Variants in CDC20B observed in about 807,000 individuals in gnomAD.
The protein encoded by CDC20B is cell division cycle 20B.
Under a neutral mutation model 64.1 loss-of-function variants are expected in CDC20B, and 58 were observed. That is an observed-to-expected ratio of 0.90 (90% CI 0.73 to 1.13). The LOEUF is 1.13. CDC20B is among the 50% of genes most tolerant of loss of function. The probability of loss-of-function intolerance (pLI) is 0.00; values close to 1 mark genes in which losing one functional copy is unlikely to be tolerated. For missense variants in CDC20B, 597 were observed against 633.0 expected, an observed-to-expected ratio of 0.94 and a Z score of 0.61; for synonymous variants, 243 against 230.6, an observed-to-expected ratio of 1.05 and a Z score of -0.49.
At chr5:55,172,270 A>C (rs370192875) in intron 2 of CDC20B, 14 of 253,514 alleles carry the variant, frequency 5.5e-5, no homozygotes, top group African/African-American at 3.0e-4. Context: ...GTGCTTCTGA[A>C]TGCAACAGAG....
intron 2 of CDC20B, among the ~76,000 whole-genome samples, chr5:55,167,341 T>TTATA (rs987103159): frequency 6.6e-6 from 1 of 152,214 alleles, no homozygotes; most frequent in South Asian, 2.1e-4. Context: ...TGTTTAACAA[T>TTATA]TACACTGTAT....
chr5:55,127,481 G>C, intron 7 of CDC20B, 130 bp from the exon 8 acceptor site: 1 of 692,910 alleles, frequency 1.4e-6, no homozygotes, highest in Non-Finnish European at 2.5e-6. Flanking sequence ...AGCACATCTA[G>C]CCAGCAGTTC....
At position 55,120,465 on chromosome 5, in the gene CDC20B, T is replaced by A. The variant is rs1742729655; in HGVS notation, c.1301A>T (p.Asn434Ile). Reference protein sequence around the residue: ...KDGRLHILDINAGKSIQTPST... With the variant: ...KDGRLHILDIIAGKSIQTPST... ...TGGGGTCTGGATGCTCTTCCCAGCATTTATATCCAAGATGTGTAAGCGTCC... is the reference window on the plus strand; with the variant it reads ...TGGGGTCTGGATGCTCTTCCCAGCAATTATATCCAAGATGTGTAAGCGTCC... Residue 434 changes from asparagine (N) to isoleucine (I), a missense_variant, in exon 10 of 12, where the codon AAT becomes ATT. By Grantham distance (149) the Asn-to-Ile change is moderately radical (BLOSUM62 -3). This residue lies in a region of CDC20B where 353 missense variants were observed against 397.0 expected (regional missense o/e 0.89). Coordinates refer to ENST00000381375, the MANE Select transcript of CDC20B (RefSeq NM_001170402.1). The A allele has an allele frequency of 2.5e-6, 4 of 1,613,814 alleles. No homozygotes were observed. In the South Asian group the frequency reaches 4.4e-5, roughly 18 times the overall value.
chr5:55,172,749 C>CTTTTTT, intron 1 of CDC20B, 99 bp from the exon 2 acceptor site: 29 of 534,652 alleles, frequency 5.4e-5, no homozygotes, highest in South Asian at 3.4e-4. Context: ...TCAGATTACA[C>CTTTTTT]TTTTTTTTTT....
chr5:55,137,369 G>C, intron 5 of CDC20B: 1 of 345,634 alleles, frequency 2.9e-6, no homozygotes, highest in Non-Finnish European at 5.7e-6. Context: ...AAGTTTACAG[G>C]GGCTGCCTGC....
intron 7 of CDC20B, 133 bp downstream of exon 7, chr5:55,128,288 C>T: frequency 1.9e-6 from 1 of 531,138 alleles, no homozygotes; most frequent in South Asian, 3.7e-5. Context: ...AGCGGAATGT[C>T]ATCTCCTTTT....
chr5:55,142,226 C>T (rs1006015572), intron 4 of CDC20B, among the ~76,000 whole-genome samples: 7 of 152,270 alleles, frequency 4.6e-5, no homozygotes, highest in Admixed American at 4.6e-4. Flanking sequence ...GTTGTGGAAA[C>T]ACCCTCCAGA....
rs189610080 is a variant in CDC20B, at chr5:55,167,880, A to T, written c.126+4708T>A. On this transcript the variant is annotated intron_variant, in intron 2 of 11. Transcript: ENST00000381375. ...CCCCATCTCTACAAAAAAAATTTTT[A>T]AATTAGCCAGGTGCGGTAGCACACA... Among the ~76,000 whole-genome samples, 430 of 152,210 alleles carry T rather than the reference A, an allele frequency of 2.8e-3. 2 individuals are homozygous for T. The highest frequency in any genetic ancestry group is 9.2e-3 in the African/African-American group (383 of 41,536).
rs370856727 is a variant in CDC20B, at chr5:55,127,259, G to A, written c.987C>T (p.Ser329=). The stretch of plus-strand genomic sequence containing the variant: ...GTCTCCAACAAGACGCTTCTTACCT[G>A]CTGAGGATAAAGTGATTCCAGCTCA... ...GALSWNHFIL[S]SGSRLGRVYH... is the part of the protein sequence containing the mutation. Residue 329 remains serine, a splice_region_variant and synonymous_variant, in exon 8 of 12, where the codon AGC becomes AGT. Transcript: ENST00000381375. 5 of 1,612,948 alleles carry A rather than the reference G, an allele frequency of 3.1e-6. No individual in the cohort carries two copies. In the African/African-American group the frequency reaches 5.3e-5, roughly 17 times the overall value.
At chr5:55,170,275 A>G (rs1744554384) in intron 2 of CDC20B, among the ~76,000 whole-genome samples, 2 of 152,320 alleles carry the variant, frequency 1.3e-5, no homozygotes, top group Middle Eastern at 3.4e-3. Context: ...TCTACTCCGA[A>G]AGACTCCAAA....
chr5:55,124,708 T>A, intron 9 of CDC20B, 95 bp downstream of exon 9: 1 of 1,075,128 alleles, frequency 9.3e-7, no homozygotes, highest in Non-Finnish European at 1.3e-6. Context: ...AAGAAAAATC[T>A]CAAAATATTG....
chr5:55,170,812 T>C, intron 2 of CDC20B: 1 of 440,234 alleles, frequency 2.3e-6, no homozygotes, highest in East Asian at 6.7e-5. Context: ...GGCAGAACTC[T>C]AATCTTAATA....
In CDC20B at chr5:55,144,604, G is replaced by A. The variant is rs188837526; in HGVS notation, c.356-961C>T. On this transcript the variant is annotated intron_variant, in intron 3 of 11. Transcript: ENST00000381375. ...AAGAAGGATAAAAATATGAAATGCTGGTCAAAGTTTTAGATCTTGCTCTTT... is the reference window on the plus strand; with the variant it reads ...AAGAAGGATAAAAATATGAAATGCTAGTCAAAGTTTTAGATCTTGCTCTTT... Among the ~76,000 whole-genome samples the A allele has an allele frequency of 3.9e-3, 591 of 152,298 alleles. 4 individuals carry two copies. Among genetic ancestry groups the A allele is most frequent in the African/African-American group, 0.014 (567 of 41,568 alleles).
intron 6 of CDC20B, among the ~76,000 whole-genome samples, 183 bp downstream of exon 6, chr5:55,133,229 A>G (rs538753723): frequency 6.6e-6 from 1 of 152,240 alleles, no homozygotes; most frequent in African/African-American, 2.4e-5. Flanking sequence ...CATTAACAAT[A>G]CCATCCCTAA....
intron 1 of CDC20B, 24 bp from the exon 2 acceptor site, chr5:55,172,674 T>A (rs747570303): frequency 1.3e-6 from 2 of 1,548,010 alleles, no homozygotes; most frequent in Non-Finnish European, 1.8e-6. Flanking sequence ...GATAACATAT[T>A]GAGGGAGAAA....
intron 3 of CDC20B, among the ~76,000 whole-genome samples, chr5:55,145,233 T>C (rs1376636670): frequency 6.6e-6 from 1 of 152,224 alleles, no homozygotes; most frequent in Non-Finnish European, 1.5e-5. Flanking sequence ...CTTTATCTCC[T>C]ACTGCTTCCC....
At chr5:55,146,545 A>T in intron 3 of CDC20B, 83 bp downstream of exon 3, 1 of 935,984 alleles carries the variant, frequency 1.1e-6, no homozygotes, top group Non-Finnish European at 1.7e-6. Flanking sequence ...GACACTCCTT[A>T]GTTCTACAAG....
At chr5:55,117,438 A>G (rs1363230769) in intron 11 of CDC20B, among the ~76,000 whole-genome samples, 1 of 152,166 alleles carries the variant, frequency 6.6e-6, no homozygotes, top group Admixed American at 6.5e-5. Flanking sequence ...AGTTTCATAA[A>G]ATACTACTTA....
intron 2 of CDC20B, among the ~76,000 whole-genome samples, chr5:55,162,541 A>G (rs1744134057): frequency 6.6e-6 from 1 of 152,272 alleles, no homozygotes; most frequent in East Asian, 1.9e-4. Context: ...CCAACAAACC[A>G]AATAGTGATC....
Sources: gnomAD v4.1 joint callset for allele counts (sites outside exome capture counted in the v4.1 genomes callset) on GRCh38, gnomAD v4.1.1 for gene constraint, gnomAD v4.1.1 regional missense constraint, MANE v1.5 for transcripts, NCBI Gene and HGNC (gene_info 2026-07-23, HGNC 2026-07-21) for gene names.